SCYL3: variants seen among roughly 807,000 people sequenced by gnomAD.
SCYL3 encodes SCY1 like pseudokinase 3.
Under a neutral mutation model 73.8 loss-of-function variants are expected in SCYL3, and 35 were observed. The observed-to-expected ratio is 0.47, with a 90% confidence interval of 0.36 to 0.63. The LOEUF (loss-of-function observed/expected upper bound fraction) is 0.63. SCYL3 is among the 20% of genes least tolerant of loss of function. SCYL3 has a pLI of 0.00. For synonymous variants in SCYL3, 277 were observed against 295.2 expected (o/e 0.94, Z 0.63); for missense variants, 712 against 798.9 (o/e 0.89, Z 1.31).
rs560140862 is a variant in SCYL3, at chr1:169,891,308, A to C, written c.-50-2418T>G. Among the ~76,000 whole-genome samples the C allele has an allele frequency of 2.0e-5, 3 of 152,314 alleles. No homozygotes were observed. The South Asian group carries it at 6.2e-4, about 32-fold the overall frequency. On this transcript the variant is annotated intron_variant, in intron 1 of 12. Coordinates refer to ENST00000367771, the MANE Select transcript of SCYL3 (RefSeq NM_020423.7). ...CTTAGTCATACTTAGGGGGCACATT[A>C]CTACTATCCATCTCAAGACTACCGG...
chr1:169,892,697 T>TC (rs1175130510), intron 1 of SCYL3, among the ~76,000 whole-genome samples: 1 of 152,188 alleles, frequency 6.6e-6, no homozygotes, highest in African/African-American at 2.4e-5. Flanking sequence ...TTTAATAATC[T>TC]CCCTCCACTC....
intron 11 of SCYL3, among the ~76,000 whole-genome samples, chr1:169,857,299 T>C (rs1659257167): frequency 6.6e-6 from 1 of 152,268 alleles, no homozygotes; most frequent in Non-Finnish European, 1.5e-5. Context: ...ACATTCAGTG[T>C]CTGCGGATGC....
chr1:169,883,154 A>ACGC (rs1434273389), intron 2 of SCYL3, among the ~76,000 whole-genome samples: 1 of 152,100 alleles, frequency 6.6e-6, no homozygotes, highest in Non-Finnish European at 1.5e-5. Flanking sequence ...AACTCCAGAC[A>ACGC]CGCCACCTTT....
At chr1:169,873,820 G>A in intron 4 of SCYL3, 68 bp from the exon 5 acceptor site, 1 of 1,129,054 alleles carries the variant, frequency 8.9e-7, no homozygotes, top group Non-Finnish European at 1.3e-6. Context: ...TCTTACATCA[G>A]GTTACATAAG....
intron 1 of SCYL3, among the ~76,000 whole-genome samples, chr1:169,893,285 C>A (rs905221760): frequency 6.6e-6 from 1 of 152,172 alleles, no homozygotes; most frequent in African/African-American, 2.4e-5. Context: ...CCTTGGGGGA[C>A]GGGCACTGGT....
chr1:169,850,137 C>T lies in SCYL3; in HGVS notation c.*3576G>A. 2 of 622,432 alleles carry T rather than the reference C, an allele frequency of 3.2e-6. No homozygotes were observed. The highest frequency in any genetic ancestry group is 2.9e-5 in the Admixed American group (1 of 35,066). 38.6% of individuals were successfully genotyped at this position (622,432 alleles called of 1,614,324 possible). ...CCTGAAGGAATCATGAGTTTATCAC[C>T]TTTGAGGATCCTCTGGGACTCTTAC... On this transcript the variant is annotated 3_prime_UTR_variant, in exon 13 of 13. Transcript: ENST00000367771.
At chr1:169,868,854 C>T (rs1177942198) in intron 7 of SCYL3, 74 bp downstream of exon 7, 2 of 1,032,950 alleles carry the variant, frequency 1.9e-6, no homozygotes, top group African/African-American at 1.6e-5. Flanking sequence ...CCCCCCACTG[C>T]CACTTATCCA....
chr1:169,862,910 C>T, intron 9 of SCYL3, 113 bp from the exon 10 acceptor site: 1 of 1,004,820 alleles, frequency 1.0e-6, no homozygotes, highest in Non-Finnish European at 1.5e-6. Flanking sequence ...AAGTACTCTT[C>T]TAAATTCTTT....
chr1:169,879,587 C>T (rs963636149), intron 2 of SCYL3, among the ~76,000 whole-genome samples: 2 of 152,190 alleles, frequency 1.3e-5, no homozygotes, highest in African/African-American at 4.8e-5. Flanking sequence ...AAAACATCAG[C>T]ATTTTCCAAA....
chr1:169,876,929 T>C (rs2102186484), intron 3 of SCYL3, among the ~76,000 whole-genome samples: 1 of 116,650 alleles, frequency 8.6e-6, no homozygotes, highest in East Asian at 2.6e-4. Flanking sequence ...CACTCCAGCC[T>C]AGGCGACAGA....
chr1:169,865,959 C>T (rs2102159790), intron 8 of SCYL3, among the ~76,000 whole-genome samples: 1 of 152,310 alleles, frequency 6.6e-6, no homozygotes, highest in African/African-American at 2.4e-5. Flanking sequence ...TTTCATGCTA[C>T]CCACTTTCTC....
chr1:169,852,692 C>G lies in SCYL3; in HGVS notation c.*1021G>C. 8.0e-7 allele frequency: 1 copy of G among 1,249,476 alleles called. No homozygotes were observed. Among genetic ancestry groups the G allele is most frequent in the Non-Finnish European group, 1.1e-6 (1 of 878,520 alleles). 77.4% of individuals were successfully genotyped at this position (1,249,476 alleles called of 1,614,324 possible). A position where few individuals can be genotyped will look rare whatever the true frequency, so the allele number is the denominator to read the frequency against. On this transcript the variant is annotated 3_prime_UTR_variant, in exon 13 of 13. Coordinates refer to ENST00000367771, the MANE Select transcript of SCYL3 (RefSeq NM_020423.7). The stretch of plus-strand genomic sequence containing the variant: ...TCCTCCTACCCTTGTGATCCAATGA[C>G]TAGAATAAAATTTGCATGTAAGCTT...
chr1:169,877,129 T>TA (rs1355822533), intron 3 of SCYL3, among the ~76,000 whole-genome samples: 3 of 149,166 alleles, frequency 2.0e-5, no homozygotes, highest in South Asian at 2.1e-4. Flanking sequence ...ATTTCAGTGA[T>TA]AAAAAAGTAT....
intron 2 of SCYL3, among the ~76,000 whole-genome samples, chr1:169,886,212 G>A (rs1298630556): frequency 6.6e-6 from 1 of 152,160 alleles, no homozygotes; most frequent in Non-Finnish European, 1.5e-5. Flanking sequence ...GTGGGATGCT[G>A]AGGCAGGAGA....
chr1:169,854,265 C>CTCA lies in SCYL3; in HGVS notation c.2007+2_2007+4dup, dbSNP rs757633492. ...TAGCACAGTTTACTCCATAAAAGTA[C>CTCA]TCACCTCAGTAATTTCTGCTGCAGC... On this transcript the variant is annotated splice_donor_region_variant and intron_variant, in intron 12 of 12. Transcript: ENST00000367771. 1.3e-6 allele frequency: 2 copies of CTCA among 1,590,070 alleles called. No homozygotes were observed. Among genetic ancestry groups the CTCA allele is most frequent in the South Asian group, 2.3e-5 (2 of 85,910 alleles).
At chr1:169,882,419 C>A (rs533942020) in intron 2 of SCYL3, among the ~76,000 whole-genome samples, 1 of 152,320 alleles carries the variant, frequency 6.6e-6, no homozygotes, top group South Asian at 2.1e-4. Flanking sequence ...TGTGCGACCC[C>A]AGCCTCCCTG....
Position 169,852,400 on chromosome 1 carries a change from A to C in SCYL3, c.*1313T>G, listed in dbSNP as rs1034308486. On this transcript the variant is annotated 3_prime_UTR_variant, in exon 13 of 13. Coordinates refer to ENST00000367771, the MANE Select transcript of SCYL3 (RefSeq NM_020423.7). ...TTGTTTTGAGCACTATTAGTATAGT[A>C]ATTAGTATAGTAGTAATTCATGAAG... is the stretch of plus-strand genomic sequence containing the variant. 2.2e-4 allele frequency: 54 copies of C among 250,846 alleles called. No individual in the cohort carries two copies. Among genetic ancestry groups the C allele is most frequent in the Non-Finnish European group, 3.2e-4 (41 of 128,984 alleles). The allele number at this position is 250,846 out of a possible 1,614,324, so 15.5% of individuals were successfully genotyped here.
At chr1:169,875,933 G>T in intron 4 of SCYL3, 45 bp downstream of exon 4, 1 of 1,256,452 alleles carries the variant, frequency 8.0e-7, no homozygotes, top group Non-Finnish European at 1.1e-6. Flanking sequence ...ATACCAAGAC[G>T]CTATTAAAAA....
At chr1:169,865,125 A>G (rs578050010) in intron 8 of SCYL3, among the ~76,000 whole-genome samples, 294 of 152,296 alleles carry the variant, frequency 1.9e-3, no homozygotes, top group Non-Finnish European at 3.1e-3. Context: ...TAGATAATAA[A>G]AGACACTTTC....
Sources: gnomAD v4.1 joint callset for allele counts (sites outside exome capture counted in the v4.1 genomes callset) on GRCh38, gnomAD v4.1.1 for gene constraint, MANE v1.5 for transcripts, NCBI Gene and HGNC (gene_info 2026-07-23, HGNC 2026-07-21) for gene names.